The following CAST variants were observed in gnomAD, a reference collection of about 807,000 sequenced individuals.
The protein encoded by CAST is MIR583 host.
A neutral mutation model predicts 119.6 loss-of-function variants in CAST; 76 were observed. The ratio of observed to expected loss-of-function variants is 0.64; its 90% CI spans 0.53 to 0.77. The LOEUF is 0.77. Among genes scored for constraint, CAST ranks in the 30% least tolerant of loss-of-function variants. The pLI is 0.00. For missense variants in CAST, 953 were observed against 946.5 expected, an observed-to-expected ratio of 1.01 and a Z score of -0.09; for synonymous variants, 319 against 331.6, an observed-to-expected ratio of 0.96 and a Z score of 0.41.
At chr5:96,271,155 T>G in the CAST span, among the ~76,000 whole-genome samples, 3 of 152,158 alleles carry the variant, frequency 2.0e-5, no homozygotes, top group African/African-American at 7.2e-5. Context: ...AGGAAAGATA[T>G]TCTGTGTTCA....
intron 1 of CAST, among the ~76,000 whole-genome samples, chr5:96,551,734 A>C (rs907349042): frequency 5.9e-5 from 9 of 152,042 alleles, no homozygotes; most frequent in African/African-American, 2.2e-4. Context: ...ATCTACCAAG[A>C]AAATAGAAAG....
At chr5:96,694,134 A>T (rs1194080457) in intron 2 of CAST, among the ~76,000 whole-genome samples, 1 of 152,218 alleles carries the variant, frequency 6.6e-6, no homozygotes, top group African/African-American at 2.4e-5. Flanking sequence ...AGAAAATATA[A>T]ATTTGGCTAA....
the CAST span, among the ~76,000 whole-genome samples, chr5:96,131,607 C>T: frequency 1.4e-4 from 21 of 152,210 alleles, no homozygotes; most frequent in African/African-American, 4.8e-4. Flanking sequence ...AAGATATTCT[C>T]CTTGGGATCA....
chr5:96,415,567 C>A, the CAST span, among the ~76,000 whole-genome samples: 1 of 152,130 alleles, frequency 6.6e-6, no homozygotes, highest in Non-Finnish European at 1.5e-5. Context: ...AATCCTACAT[C>A]CTTGCTATAA....
chr5:96,026,027 G>A, the CAST span, among the ~76,000 whole-genome samples: 2 of 152,178 alleles, frequency 1.3e-5, no homozygotes, highest in Non-Finnish European at 2.9e-5. Context: ...AAGCCCCGGA[G>A]TTTAAGACTG....
At chr5:96,145,131 G>A in the CAST span, among the ~76,000 whole-genome samples, 30 of 152,258 alleles carry the variant, frequency 2.0e-4, no homozygotes, top group Non-Finnish European at 4.0e-4. Flanking sequence ...ACCTGCCCAA[G>A]CTGTCTTCAG....
chr5:96,497,322 T>C, the CAST span, among the ~76,000 whole-genome samples: 2 of 152,170 alleles, frequency 1.3e-5, no homozygotes, highest in Non-Finnish European at 1.5e-5. Flanking sequence ...AATAAACATA[T>C]GGGTGCATGT....
chr5:96,524,449 G>T (rs186042557), upstream of CAST, among the ~76,000 whole-genome samples: 163 of 152,310 alleles, frequency 1.1e-3, no homozygotes, highest in African/African-American at 3.8e-3. Flanking sequence ...GAGGCTGAAG[G>T]GGTCAGGGAC....
At chr5:96,388,385 T>C in the CAST span, among the ~76,000 whole-genome samples, 1 of 152,228 alleles carries the variant, frequency 6.6e-6, no homozygotes, top group African/African-American at 2.4e-5. Context: ...CTGGTTCATA[T>C]ACATCTGTTC....
the CAST span, chr5:96,416,273 T>G: frequency 1.5e-6 from 1 of 664,322 alleles, no homozygotes. Context: ...AACATAAAAC[T>G]TATGTTCAGA....
the CAST span, among the ~76,000 whole-genome samples, chr5:96,455,925 T>C: frequency 0.011 from 1,659 of 152,350 alleles, 33 homozygotes; most frequent in African/African-American, 0.039. Flanking sequence ...GAGATGATCA[T>C]ATCTCCAGCA....
chr5:96,242,204 C>T, the CAST span, among the ~76,000 whole-genome samples: 3 of 151,406 alleles, frequency 2.0e-5, no homozygotes, highest in Non-Finnish European at 2.9e-5. Flanking sequence ...TTAGGTCTAA[C>T]GTTTAAGTCT....
chr5:96,262,514 T>C, the CAST span, among the ~76,000 whole-genome samples: 1 of 152,030 alleles, frequency 6.6e-6, no homozygotes, highest in Non-Finnish European at 1.5e-5. Context: ...GGCTGTCAGC[T>C]TCTTTTTTTG....
chr5:96,475,585 TA>T, the CAST span, among the ~76,000 whole-genome samples: 1 of 152,078 alleles, frequency 6.6e-6, no homozygotes, highest in Non-Finnish European at 1.5e-5. Flanking sequence ...TGTTGTCAGG[TA>T]AAAGAGCCTC....
the CAST span, among the ~76,000 whole-genome samples, chr5:96,400,979 C>T: frequency 3.5e-5 from 5 of 143,948 alleles, no homozygotes; most frequent in Middle Eastern, 7.6e-3. Flanking sequence ...CCCAGCTACT[C>T]GGGAGGCTGA....
At chr5:96,412,245 A>G in the CAST span, 1 of 1,222,286 alleles carries the variant, frequency 8.2e-7, no homozygotes, top group East Asian at 2.3e-5. Context: ...CATGTAACCT[A>G]AGTGTTCTTT....
intron 1 of CAST, among the ~76,000 whole-genome samples, chr5:96,620,284 T>TTTCC (rs1747577068): frequency 7.0e-6 from 1 of 142,326 alleles, no homozygotes; most frequent in South Asian, 2.4e-4. Flanking sequence ...AGCCAGTTCT[T>TTTCC]TTTCTTTTTT....
intron 1 of CAST, among the ~76,000 whole-genome samples, chr5:96,534,743 A>AGAGAGAGAGAG (rs1554066267): frequency 7.1e-5 from 4 of 56,600 alleles, no homozygotes; most frequent in African/African-American, 2.4e-4. Flanking sequence ...GAGAGAGAGA[A>AGAGAGAGAGAG]AGAAAGAAAG....
intron 2 of CAST, among the ~76,000 whole-genome samples, chr5:96,679,829 T>G (rs972736255): frequency 2.6e-5 from 4 of 152,098 alleles, no homozygotes; most frequent in African/African-American, 9.7e-5. Context: ...TTAATAAAGT[T>G]AGACTTTTTT....
Sources: allele counts gnomAD v4.1 joint callset (sites outside exome capture counted in the v4.1 genomes callset), GRCh38; gene constraint gnomAD v4.1.1; transcripts MANE v1.5; gene names NCBI Gene and HGNC (gene_info 2026-07-23, HGNC 2026-07-21).